SPAG5: variants seen among roughly 807,000 people sequenced by gnomAD.
The protein encoded by SPAG5 is sperm associated antigen 5.
SPAG5 carries 99 observed loss-of-function variants against 145.4 expected under a neutral mutation model. The observed-to-expected ratio is 0.68, with a 90% CI of 0.58 to 0.80. The LOEUF (loss-of-function observed/expected upper bound fraction) is 0.80, where lower values mean the gene tolerates loss of function less well. SPAG5 is among the 30% of genes least tolerant of loss of function. The pLI is 0.00. For synonymous variants in SPAG5, 477 were observed against 525.4 expected (o/e 0.91, Z 1.26); for missense variants, 1,192 against 1,416.0 (o/e 0.84, Z 2.54).
chr17:28,584,631 C>T, intron 11 of SPAG5, 21 bp downstream of exon 11: 7 of 1,126,824 alleles, frequency 6.2e-6, no homozygotes, highest in Non-Finnish European at 7.5e-6. Flanking sequence ...TGCATGCATA[C>T]ACACACACAC....
chr17:28,587,006 C>T (rs902788823), intron 4 of SPAG5, among the ~76,000 whole-genome samples: 1 of 152,120 alleles, frequency 6.6e-6, no homozygotes, highest in African/African-American at 2.4e-5. Flanking sequence ...CCTCCTGCCT[C>T]GGACTTCCAA....
chr17:28,579,444 T>A lies in SPAG5; in HGVS notation c.2926A>T (p.Met976Leu). 6.2e-7 allele frequency: 1 copy of A among 1,614,132 alleles called. No homozygotes were observed. Among genetic ancestry groups the A allele is most frequent in the Middle Eastern group, 1.6e-4 (1 of 6,062 alleles). ...CAAAGACTCTGAAGCTCAGTAGTCA[T>A]AATACTCATTTCTGCCAGGCTCTCC... ...MEESLAEMSI[M>L]TTELQSLCSL... Residue 976 changes from methionine to leucine, a missense_variant, in exon 18 of 24, where the codon ATG becomes TTG. Met to Leu is a conservative substitution (Grantham distance 15). This residue lies in a region of SPAG5 where 709 missense variants were observed against 840.7 expected (regional missense o/e 0.84). Transcript: ENST00000321765.
chr17:28,584,322 T>C lies in SPAG5; in HGVS notation c.2309+11A>G, dbSNP rs766252576. On this transcript the variant is annotated intron_variant, in intron 12 of 23. Coordinates refer to ENST00000321765, the MANE Select transcript of SPAG5 (RefSeq NM_006461.4). ...GATGCCTACTGCCACAGTACCCCGT[T>C]AGGAACTCACTGAGCAGCCTGCTCC... 2.5e-6 allele frequency: 4 copies of C among 1,614,014 alleles called. No homozygotes were observed. The African/African-American group carries it at 5.3e-5, about 22-fold the overall frequency.
Position 28,584,731 on chromosome 17 carries a change from C to T in SPAG5, c.2082G>A (p.Leu694=), listed in dbSNP as rs2070572670. 6.2e-7 allele frequency: 1 copy of T among 1,613,634 alleles called. No individual in the cohort carries two copies. Among genetic ancestry groups the T allele is most frequent in the African/African-American group, 1.3e-5 (1 of 74,900 alleles). The stretch of plus-strand genomic sequence containing the variant: ...CCTCTAACTGGGCAGAGACTTGTTC[C>T]AGCACCCTAGAAACCTAGGAAGAAC... ...IEEKQEVSRV[L]EQVSAQLEEC... The change falls in exon 11 of 24, where the codon CTG becomes CTA. Residue 694 remains leucine (L), a synonymous_variant. Coordinates refer to ENST00000321765, the MANE Select transcript of SPAG5 (RefSeq NM_006461.4).
chr17:28,583,898 C>A lies in SPAG5; in HGVS notation c.2501G>T (p.Arg834Leu), dbSNP rs376805963. ...LKTTLEVLRE[R>L]SLQCENLKDT... Reference sequence around the variant, plus strand: ...CTTGAGGTTCTCACACTGCAAGCTGCGCTCCCGGAGCACTTCCAGTGTGGT... The same window carrying A: ...CTTGAGGTTCTCACACTGCAAGCTGAGCTCCCGGAGCACTTCCAGTGTGGT... Residue 834 changes from arginine to leucine, a missense_variant, in exon 14 of 24, where the codon CGC becomes CTC. Coordinates refer to ENST00000321765, the MANE Select transcript of SPAG5 (RefSeq NM_006461.4). The A allele has an allele frequency of 6.2e-7, 1 of 1,614,140 alleles. No homozygotes were observed.
Position 28,598,991 on chromosome 17 carries a change from GACGCCATGTTC to G in SPAG5, c.-56_-46del. ...CTATCACGTCTCAGACCAAGTCGAG[GACGCCATGTTC>G]ACCCGCCGTCTGTGTTTGAACCTGC... is the stretch of plus-strand genomic sequence containing the variant. On this transcript the variant is annotated 5_prime_UTR_variant, in exon 1 of 24. The change abolishes an upstream ATG in the 5' untranslated region. Transcript: ENST00000321765. 6.3e-7 allele frequency: 1 copy of G among 1,594,414 alleles called. No individual in the cohort carries two copies. The highest frequency in any genetic ancestry group is 8.6e-7 in the Non-Finnish European group (1 of 1,162,394).
intron 15 of SPAG5, among the ~76,000 whole-genome samples, chr17:28,582,360 A>G (rs1160058871): frequency 6.6e-6 from 1 of 152,206 alleles, no homozygotes; most frequent in Non-Finnish European, 1.5e-5. Flanking sequence ...CGACTCTCAT[A>G]TGTAGTCAGA....
chr17:28,584,750 G>C lies in SPAG5; in HGVS notation c.2068-5C>G. Reference sequence around the variant, plus strand: ...TTGTTCCAGCACCCTAGAAACCTAGGAAGAACAGATGGTTTTCCTCCTATA... The same window carrying C: ...TTGTTCCAGCACCCTAGAAACCTAGCAAGAACAGATGGTTTTCCTCCTATA... On this transcript the variant is annotated splice_region_variant and splice_polypyrimidine_tract_variant and intron_variant, in intron 10 of 23. Coordinates refer to ENST00000321765, the MANE Select transcript of SPAG5 (RefSeq NM_006461.4). 6.2e-7 allele frequency: 1 copy of C among 1,607,692 alleles called. No individual in the cohort carries two copies. Among genetic ancestry groups the C allele is most frequent in the Admixed American group, 1.7e-5 (1 of 59,994 alleles).
Position 28,593,064 on chromosome 17 carries a change from T to C in SPAG5, c.180A>G (p.Glu60=), listed in dbSNP as rs550817295. 5.0e-6 allele frequency: 8 copies of C among 1,612,230 alleles called. No individual in the cohort carries two copies. The highest frequency in any genetic ancestry group is 1.7e-5 in the Admixed American group (1 of 59,932). Reference sequence around the variant, plus strand: ...CCACTGGAGATGAGTTGTTGCTGCCTTCCTGCCAAAGGAAACAAAAGTAGT... The same window carrying C: ...CCACTGGAGATGAGTTGTTGCTGCCCTCCTGCCAAAGGAAACAAAAGTAGT... ...TPSLCKLGLQ[E]GSNNSSPVDF... The change falls in exon 3 of 24, where the codon GAA becomes GAG. Residue 60 remains glutamate, a splice_region_variant and synonymous_variant. Coordinates refer to ENST00000321765, the MANE Select transcript of SPAG5 (RefSeq NM_006461.4).
chr17:28,583,540 G>A lies in SPAG5; in HGVS notation c.2656C>T (p.Leu886Phe). Residue 886 changes from leucine (L) to phenylalanine (F), a missense_variant, in exon 15 of 24, where the codon CTC becomes TTC. Physicochemically the swap from Leu to Phe is conservative, Grantham distance 22. Around this residue, in one of 5 missense-constraint regions of SPAG5, gnomAD observed 709 missense variants for 840.7 expected, o/e 0.84. Transcript: ENST00000321765. The stretch of plus-strand genomic sequence containing the variant: ...TCCTTTAGTTTTGTCTGTAGAAAGA[G>A]AGTCAGGCTCTGTAGTTGCTCAGTC... ...LLTEQLQSLT[L>F]FLQTKLKEKT... 6.2e-7 allele frequency: 1 copy of A among 1,610,392 alleles called. No homozygotes were observed. Among genetic ancestry groups the A allele is most frequent in the Non-Finnish European group, 8.5e-7 (1 of 1,178,990 alleles).
At position 28,586,190 on chromosome 17, in the gene SPAG5, G is replaced by C. The variant is rs1367999089; in HGVS notation, c.1513-8C>G. On this transcript the variant is annotated splice_region_variant and splice_polypyrimidine_tract_variant and intron_variant, in intron 5 of 23. Coordinates refer to ENST00000321765, the MANE Select transcript of SPAG5 (RefSeq NM_006461.4). The stretch of plus-strand genomic sequence containing the variant: ...GATAAGCACCCATGATTGCTGTAGA[G>C]AAAAAAATGGGTAGGTGAGATCAAA... 12 of 1,606,456 alleles carry C rather than the reference G, an allele frequency of 7.5e-6. No individual in the cohort carries two copies. In the South Asian group the frequency reaches 1.2e-4, roughly 16 times the overall value.
chr17:28,583,826 G>A, intron 14 of SPAG5, 27 bp downstream of exon 14: 3 of 1,595,338 alleles, frequency 1.9e-6, no homozygotes, highest in South Asian at 1.1e-5. Context: ...GCACTTAGGG[G>A]GAAGTACAGA....
At chr17:28,578,822 G>A in intron 19 of SPAG5, 70 bp from the exon 20 acceptor site, 1 of 1,274,136 alleles carries the variant, frequency 7.8e-7, no homozygotes, top group South Asian at 1.2e-5. Context: ...CAGGAGGTAG[G>A]AGAGAGTGCC....
rs1567622336 is a variant in SPAG5, at chr17:28,578,572, G to A, written c.3199-44C>T. Reference sequence around the variant, plus strand: ...AGGTGTCCAATAGGACATAAGGATAGACAACATGTGGTGAACAAAAGCAAA... The same window carrying A: ...AGGTGTCCAATAGGACATAAGGATAAACAACATGTGGTGAACAAAAGCAAA... On this transcript the variant is annotated intron_variant, in intron 20 of 23. Coordinates refer to ENST00000321765, the MANE Select transcript of SPAG5 (RefSeq NM_006461.4). 6 of 1,609,558 alleles carry A rather than the reference G, an allele frequency of 3.7e-6. No individual in the cohort carries two copies. The South Asian group carries it at 5.5e-5, about 15-fold the overall frequency.
At position 28,598,884 on chromosome 17, in the gene SPAG5, T is replaced by G. The variant is rs1330278473; in HGVS notation, c.51+12A>C. ...CCGGCCCAGTTCTCTCCGCCAGAGATCTCCCGCTTACCGTCTGGGGCGAAG... is the reference window on the plus strand; with the variant it reads ...CCGGCCCAGTTCTCTCCGCCAGAGAGCTCCCGCTTACCGTCTGGGGCGAAG... On this transcript the variant is annotated intron_variant, in intron 1 of 23. Coordinates refer to ENST00000321765, the MANE Select transcript of SPAG5 (RefSeq NM_006461.4). 6.2e-7 allele frequency: 1 copy of G among 1,613,678 alleles called. No homozygotes were observed. Among genetic ancestry groups the G allele is most frequent in the African/African-American group, 1.3e-5 (1 of 74,858 alleles).
chr17:28,593,575 G>C (rs779021491), intron 2 of SPAG5, among the ~76,000 whole-genome samples: 1 of 152,036 alleles, frequency 6.6e-6, no homozygotes, highest in Non-Finnish European at 1.5e-5. Context: ...AACATTAGCC[G>C]GGCATGGTGG....
At position 28,592,156 on chromosome 17, in the gene SPAG5, A is replaced by G; in HGVS notation, c.1088T>C (p.Leu363Ser). The G allele has an allele frequency of 6.2e-7, 1 of 1,614,166 alleles. No individual in the cohort carries two copies. The highest frequency in any genetic ancestry group is 1.1e-5 in the South Asian group (1 of 91,078). The change falls in exon 3 of 24, where the codon TTA (leucine) becomes TCA (serine). Residue 363 changes from leucine to serine, a missense_variant. Physicochemically the swap from Leu to Ser is moderately radical, Grantham distance 145. Around this residue, in one of 5 missense-constraint regions of SPAG5, gnomAD observed 125 missense variants for 143.8 expected, o/e 0.87. Transcript: ENST00000321765. ...ATCCCGAAGCATCGAGGGAAGGGAT[A>G]AGCTTTGGCGGAGATTTTCCAGCAT... ...SVMLENLRQS[L>S]SLPSMLRDAA...
chr17:28,582,346 C>T (rs904438690), intron 15 of SPAG5, among the ~76,000 whole-genome samples: 5 of 152,216 alleles, frequency 3.3e-5, no homozygotes, highest in African/African-American at 4.8e-5. Context: ...TGACTTTCTA[C>T]GTACGACTCT....
intron 13 of SPAG5, 36 bp downstream of exon 13, chr17:28,584,114 C>T: frequency 6.2e-7 from 1 of 1,611,864 alleles, no homozygotes; most frequent in Non-Finnish European, 8.5e-7. Context: ...ACTCCTGAGG[C>T]TTACCAGCTC....
Sources: allele counts gnomAD v4.1 joint callset (sites outside exome capture counted in the v4.1 genomes callset), GRCh38; gene constraint gnomAD v4.1.1; regional missense constraint gnomAD v4.1.1; transcripts MANE v1.5; gene names NCBI Gene and HGNC (gene_info 2026-07-23, HGNC 2026-07-21).